The following GLB1 variants were observed in gnomAD, a reference collection of about 807,000 sequenced individuals.
GLB1 encodes galactosidase beta 1, also known as beta-galactosidase.
Under a neutral mutation model 74.0 loss-of-function variants are expected in GLB1, and 56 were observed. The observed-to-expected ratio is 0.76, with a 90% CI of 0.61 to 0.94. The LOEUF (loss-of-function observed/expected upper bound fraction) is 0.94. Among genes scored for constraint, GLB1 ranks in the 40% least tolerant of loss-of-function variants. The pLI is 0.00. For synonymous variants in GLB1, 323 were observed against 323.6 expected (o/e 1.00, Z 0.02); for missense variants, 787 against 845.5 (o/e 0.93, Z 0.86).
chr3:33,091,386 A>G, intron 1 of GLB1: 1 of 985,492 alleles, frequency 1.0e-6, no homozygotes, highest in African/African-American at 1.7e-5. Context: ...GAGGGAAGGA[A>G]GGCAAACCCC....
At chr3:33,009,383 G>T (rs932229896) in intron 15 of GLB1, among the ~76,000 whole-genome samples, 2 of 151,922 alleles carry the variant, frequency 1.3e-5, no homozygotes, top group African/African-American at 4.8e-5. Context: ...TCAGCCAAGT[G>T]TGGTGGGGGG....
intron 4 of GLB1, among the ~76,000 whole-genome samples, chr3:33,066,970 C>A (rs925012703): frequency 6.6e-6 from 1 of 151,676 alleles, no homozygotes; most frequent in Non-Finnish European, 1.5e-5. Flanking sequence ...TCCAATGACA[C>A]CATCCCAGAA....
intron 1 of GLB1, among the ~76,000 whole-genome samples, chr3:33,076,023 C>T (rs1162431753): frequency 1.4e-5 from 2 of 145,386 alleles, no homozygotes; most frequent in African/African-American, 2.6e-5. Flanking sequence ...CCAGCCTGGG[C>T]GACAGTGCGA....
chr3:32,966,784 T>C, the GLB1 span, among the ~76,000 whole-genome samples: 5 of 152,200 alleles, frequency 3.3e-5, no homozygotes, highest in African/African-American at 1.2e-4. Flanking sequence ...TTTCCCATGT[T>C]GTTCTCATGA....
chr3:33,015,773 C>A (rs1344868967), intron 14 of GLB1, among the ~76,000 whole-genome samples: 1 of 152,162 alleles, frequency 6.6e-6, no homozygotes, highest in East Asian at 1.9e-4. Context: ...CCCTAAGTTC[C>A]CTAAGATGTA....
chr3:32,997,081 C>A lies in GLB1; in HGVS notation c.1998G>T (p.Pro666=). 1 of 1,613,630 alleles carries A rather than the reference C, an allele frequency of 6.2e-7. No individual in the cohort carries two copies. Among genetic ancestry groups the A allele is most frequent in the Middle Eastern group, 1.7e-4 (1 of 6,060 alleles). The change falls in exon 16 of 16, where the codon CCG becomes CCT. Residue 666 remains proline, a synonymous_variant. Transcript: ENST00000307363. ...PVEKRLMPPP[P]QKNKDSWLDH... is the part of the protein sequence containing the mutation. ...CCAGCCATGAATCTTTGTTTTTTTG[C>A]GGGGGTGGGGGCATGAGTCTTTTTT...
downstream of GLB1, among the ~76,000 whole-genome samples, chr3:32,994,160 C>T (rs1696267776): frequency 6.6e-6 from 1 of 152,148 alleles, no homozygotes; most frequent in Admixed American, 6.5e-5. Context: ...ATAGTCAAAA[C>T]TGGAAACCAT....
intron 4 of GLB1, among the ~76,000 whole-genome samples, chr3:33,065,986 A>AAT (rs1445018145): frequency 6.6e-6 from 1 of 151,834 alleles, no homozygotes; most frequent in Non-Finnish European, 1.5e-5. Flanking sequence ...AAAAAAAAAA[A>AAT]AATTATGATT....
At chr3:32,988,545 C>T in the GLB1 span, among the ~76,000 whole-genome samples, 7 of 152,174 alleles carry the variant, frequency 4.6e-5, no homozygotes, top group Non-Finnish European at 8.8e-5. Context: ...GTGGCTCCTT[C>T]CTAGCTATTA....
chr3:33,000,958 C>A (rs1696535233), intron 15 of GLB1, among the ~76,000 whole-genome samples: 1 of 152,140 alleles, frequency 6.6e-6, no homozygotes, highest in South Asian at 2.1e-4. Flanking sequence ...ACTCTAGAAT[C>A]TAGGCTCTGC....
chr3:33,014,365 C>G, intron 14 of GLB1, 55 bp from the exon 15 acceptor site: 1 of 1,596,140 alleles, frequency 6.3e-7, no homozygotes, highest in Non-Finnish European at 8.5e-7. Context: ...AAAGGCTTCA[C>G]ATGTCTCTGC....
intron 1 of GLB1, among the ~76,000 whole-genome samples, chr3:33,080,815 G>A (rs899574136): frequency 2.0e-5 from 3 of 152,198 alleles, no homozygotes; most frequent in Non-Finnish European, 4.4e-5. Flanking sequence ...TGCTTCTAGA[G>A]GGACCCAAAG....
intron 15 of GLB1, among the ~76,000 whole-genome samples, chr3:33,009,370 A>G (rs539808959): frequency 6.6e-6 from 1 of 151,770 alleles, no homozygotes; most frequent in Admixed American, 6.6e-5. Flanking sequence ...AAAAACACAA[A>G]AATCAGCCAA....
downstream of GLB1, among the ~76,000 whole-genome samples, chr3:32,995,273 C>T (rs76630871): frequency 0.022 from 3,321 of 152,134 alleles, 510 homozygotes; most frequent in East Asian, 0.42. Context: ...CTGCAATTCA[C>T]CAATGTACAT....
chr3:32,997,821 G>C (rs996960928), intron 15 of GLB1, among the ~76,000 whole-genome samples: 1 of 152,164 alleles, frequency 6.6e-6, no homozygotes, highest in African/African-American at 2.4e-5. Flanking sequence ...CCAGAGGCAG[G>C]TCTTGACCTC....
At chr3:32,978,507 C>T in the GLB1 span, among the ~76,000 whole-genome samples, 325 of 152,272 alleles carry the variant, frequency 2.1e-3, 1 homozygote, top group African/African-American at 7.5e-3. Context: ...TTGTAACAGA[C>T]GGCAAAAAGT....
chr3:33,010,969 A>C (rs1331816639), intron 15 of GLB1, among the ~76,000 whole-genome samples: 1 of 151,992 alleles, frequency 6.6e-6, no homozygotes, highest in Non-Finnish European at 1.5e-5. Flanking sequence ...AGATTCTCCC[A>C]CCTCAGTCTC....
At chr3:33,030,339 A>G (rs1697953240) in intron 10 of GLB1, 1 of 220,122 alleles carries the variant, frequency 4.5e-6, no homozygotes, top group Non-Finnish European at 7.7e-6. Context: ...GTTTTAGAGA[A>G]ATCACTCTGG....
chr3:33,036,097 T>A (rs905829768), intron 10 of GLB1, among the ~76,000 whole-genome samples: 1 of 152,342 alleles, frequency 6.6e-6, no homozygotes, highest in Non-Finnish European at 1.5e-5. Flanking sequence ...GTAAGATCCC[T>A]TCCTGGCCAG....
Sources: allele counts gnomAD v4.1 joint callset (sites outside exome capture counted in the v4.1 genomes callset), GRCh38; gene constraint gnomAD v4.1.1; transcripts MANE v1.5; gene names NCBI Gene and HGNC (gene_info 2026-07-23, HGNC 2026-07-21).